Variants in AMN1 observed in about 807,000 individuals in gnomAD.
The protein encoded by AMN1 is antagonist of mitotic exit network 1 homolog, also known as protein AMN1 homolog.
Under a neutral mutation model 33.0 loss-of-function variants are expected in AMN1, and 20 were observed. The ratio of observed to expected loss-of-function variants is 0.61; its 90% confidence interval spans 0.43 to 0.88. The LOEUF is 0.88. Among genes scored for constraint, AMN1 ranks in the 40% least tolerant of loss-of-function variants. AMN1 has a pLI of 0.00. For missense variants in AMN1, 246 were observed against 307.4 expected (o/e 0.80, Z 1.49); for synonymous variants, 114 against 111.9 (o/e 1.02, Z -0.12).
At chr12:31,682,192 C>T (rs1257869836) in intron 6 of AMN1, among the ~76,000 whole-genome samples, 2 of 152,112 alleles carry the variant, frequency 1.3e-5, no homozygotes, top group African/African-American at 4.8e-5. Context: ...GGCATGTTGC[C>T]CTTCACAAAC....
At position 31,675,962 on chromosome 12, in the gene AMN1, C is replaced by G. The variant is rs577844724; in HGVS notation, c.704-3585G>C. Among the ~76,000 whole-genome samples, 91 of 151,590 alleles carry G rather than the reference C, an allele frequency of 6.0e-4. 1 individual carries two copies. The highest frequency in any genetic ancestry group is 2.5e-3 in the South Asian group (12 of 4,812). On this transcript the variant is annotated intron_variant, in intron 6 of 6. Transcript: ENST00000281471. ...GATGTTATACTGTGTATACAATATC[C>G]CAAGGAATTCACTAAAAAAATAGAA... is the stretch of plus-strand genomic sequence containing the variant.
chr12:31,688,955 C>T, intron 6 of AMN1, 52 bp downstream of exon 6: 1 of 1,210,536 alleles, frequency 8.3e-7, no homozygotes, highest in South Asian at 1.3e-5. Context: ...CTCAAGGTCA[C>T]ACAGTAAAAG....
In AMN1 at chr12:31,720,063, A is replaced by G. The variant is rs112312967; in HGVS notation, c.38+8908T>C. Among the ~76,000 whole-genome samples, 192 of 152,326 alleles carry G rather than the reference A, an allele frequency of 1.3e-3. 2 individuals are homozygous for G. Among genetic ancestry groups the G allele is most frequent in the African/African-American group, 4.2e-3 (173 of 41,580 alleles). ...TTTTTCCATTCCGTTGTCATTTGAC[A>G]TTGTCAACATACATTGCTTTACTTT... On this transcript the variant is annotated intron_variant, in intron 1 of 6. Transcript: ENST00000281471.
chr12:31,712,531 C>T (rs1939508909), intron 1 of AMN1, among the ~76,000 whole-genome samples: 1 of 152,178 alleles, frequency 6.6e-6, no homozygotes, highest in Non-Finnish European at 1.5e-5. Context: ...CAGGCATGAG[C>T]CACCGTACCC....
intron 1 of AMN1, 118 bp from the exon 2 acceptor site, chr12:31,709,543 G>T: frequency 7.8e-7 from 1 of 1,283,642 alleles, no homozygotes. Context: ...TTTTGGCTGG[G>T]TGTGGTGGCT....
In AMN1 at chr12:31,712,255, TA is replaced by T. The variant is rs201038757; in HGVS notation, c.39-2831del. Among the ~76,000 whole-genome samples, 413 of 151,700 alleles carry T rather than the reference TA, an allele frequency of 2.7e-3. 4 individuals carry two copies. The highest frequency in any genetic ancestry group is 9.5e-3 in the African/African-American group (390 of 41,030). On this transcript the variant is annotated intron_variant, in intron 1 of 6. Transcript: ENST00000281471. ...TTTCATTATTATTTTATTTTATTAT[TA>T]TTTTTTTTCAAGATGGAGTCTTGCT... is the stretch of plus-strand genomic sequence containing the variant.
chr12:31,728,611 G>C (rs975411194), intron 1 of AMN1, among the ~76,000 whole-genome samples: 3 of 152,206 alleles, frequency 2.0e-5, no homozygotes, highest in Non-Finnish European at 4.4e-5. Context: ...AATTCTGCTA[G>C]AAGCTTTTGA....
At position 31,687,289 on chromosome 12, in the gene AMN1, A is replaced by C. The variant is rs2139669549; in HGVS notation, c.703+1718T>G. ...CAATCTATGGTTACAGCCTTGGTTA[A>C]GGCTGGCAACCTAAAAATAAAAAAG... On this transcript the variant is annotated intron_variant, in intron 6 of 6. Coordinates refer to ENST00000281471, the MANE Select transcript of AMN1 (RefSeq NM_001113402.2). This position sits in a 1 kb window ranked among gnomAD's most constrained non-coding sequence, Gnocchi z 4.1. Among the ~76,000 whole-genome samples, 1 of 152,382 alleles carries C rather than the reference A, an allele frequency of 6.6e-6. No individual in the cohort carries two copies. Among genetic ancestry groups the C allele is most frequent in the South Asian group, 2.1e-4 (1 of 4,828 alleles).
At chr12:31,701,460 AACTTTTGT>A (rs1184261332) in intron 3 of AMN1, among the ~76,000 whole-genome samples, 2 of 152,042 alleles carry the variant, frequency 1.3e-5, no homozygotes, top group African/African-American at 4.8e-5. Flanking sequence ...ATGCCTGGCT[AACTTTTGT>A]ATTTTTTGTA....
chr12:31,726,614 T>C (rs1248072398), intron 1 of AMN1, among the ~76,000 whole-genome samples: 3 of 152,358 alleles, frequency 2.0e-5, no homozygotes, highest in African/African-American at 7.2e-5. Flanking sequence ...CCCTGTTTCC[T>C]TCATGGAGAA....
chr12:31,728,292 G>C (rs1163443560), intron 1 of AMN1, among the ~76,000 whole-genome samples: 1 of 152,150 alleles, frequency 6.6e-6, no homozygotes, highest in East Asian at 1.9e-4. Context: ...ACAATTTCTG[G>C]TAGGAAATAA....
At chr12:31,695,487 C>CTTTCTTTCTT (rs59342673) in intron 5 of AMN1, among the ~76,000 whole-genome samples, 85 of 130,696 alleles carry the variant, frequency 6.5e-4, no homozygotes, top group African/African-American at 1.9e-3. Flanking sequence ...TTCTTTCTTT[C>CTTTCTTTCTT]TTTTTTTTTT....
upstream of AMN1, chr12:31,729,135 A>C: frequency 9.0e-7 from 1 of 1,111,204 alleles, no homozygotes; most frequent in Non-Finnish European, 1.3e-6. Flanking sequence ...TTTTCCGGTG[A>C]CCGGGGCGTG....
At chr12:31,677,491 T>C (rs936945846) in intron 6 of AMN1, among the ~76,000 whole-genome samples, 5 of 152,208 alleles carry the variant, frequency 3.3e-5, no homozygotes, top group Admixed American at 6.5e-5. Context: ...GACTTAGGTT[T>C]TACTTCCAGT....
At chr12:31,696,649 G>A (rs1467823216) in intron 5 of AMN1, among the ~76,000 whole-genome samples, 3 of 152,058 alleles carry the variant, frequency 2.0e-5, no homozygotes, top group Non-Finnish European at 2.9e-5. Context: ...TTTTTAGGCC[G>A]GGTGCAGTGG....
chr12:31,706,177 T>A (rs4619231), intron 2 of AMN1, among the ~76,000 whole-genome samples: 1 of 151,796 alleles, frequency 6.6e-6, no homozygotes, highest in African/African-American at 2.4e-5. Flanking sequence ...CTGGGTGTGG[T>A]GGCGGGCGCC....
intron 1 of AMN1, among the ~76,000 whole-genome samples, chr12:31,727,880 CACT>C (rs1476887020): frequency 4.6e-5 from 7 of 152,142 alleles, no homozygotes; most frequent in Admixed American, 1.3e-4. Flanking sequence ...CTACCGGCGC[CACT>C]ACTACTCCTG....
chr12:31,685,858 T>A (rs11051533), intron 6 of AMN1, among the ~76,000 whole-genome samples: 8,211 of 150,590 alleles, frequency 0.055, 477 homozygotes, highest in East Asian at 0.17. Context: ...TGTTATTATT[T>A]TTTTTTTTTT....
At chr12:31,715,322 T>C (rs1939629540) in intron 1 of AMN1, 5 of 212,822 alleles carry the variant, frequency 2.3e-5, no homozygotes, top group South Asian at 1.8e-4. Flanking sequence ...GGGGAGAAAG[T>C]CAGTTCTTAG....
Sources: gnomAD v4.1 joint callset for allele counts (sites outside exome capture counted in the v4.1 genomes callset) on GRCh38, gnomAD v4.1.1 for gene constraint, Gnocchi (gnomAD v3.1) non-coding constraint, MANE v1.5 for transcripts, NCBI Gene and HGNC (gene_info 2026-07-23, HGNC 2026-07-21) for gene names.